Variants in GANAB observed in about 807,000 individuals in gnomAD.
The protein encoded by GANAB is glucosidase II alpha subunit.
In GANAB, 35 loss-of-function variants were observed where a neutral mutation model predicts 129.9. That is an observed-to-expected ratio of 0.27 (90% CI 0.21 to 0.36). The LOEUF is 0.36. GANAB is among the 10% of genes least tolerant of loss of function. The pLI, the probability that GANAB is intolerant of heterozygous loss-of-function variation, is 1.00. For synonymous variants in GANAB, 482 were observed against 451.8 expected, an observed-to-expected ratio of 1.07 and a Z score of -0.85; for missense variants, 939 against 1,221.0, an observed-to-expected ratio of 0.77 and a Z score of 3.44.
At chr11:62,627,529 C>G (rs1330117905) in intron 17 of GANAB, among the ~76,000 whole-genome samples, 176 bp from the exon 18 acceptor site, 1 of 151,984 alleles carries the variant, frequency 6.6e-6, no homozygotes, top group Non-Finnish European at 1.5e-5. Flanking sequence ...GTCAGGAGTT[C>G]GAGATCAGCC....
In GANAB at chr11:62,630,658, G is replaced by A. The variant is rs1182650558; in HGVS notation, c.1329C>T (p.Pro443=). The A allele has an allele frequency of 1.2e-6, 2 of 1,614,200 alleles. No homozygotes were observed. Among genetic ancestry groups the A allele is most frequent in the Admixed American group, 1.7e-5 (1 of 60,032 alleles). ...TGGTGCGGGGCTGAGGGAAGCGACTGGGGTCCCAGGTGAAATACCGCTTGC... is the reference window on the plus strand; with the variant it reads ...TGGTGCGGGGCTGAGGGAAGCGACTAGGGTCCCAGGTGAAATACCGCTTGC... The part of the protein sequence containing the change: ...ADGKRYFTWD[P]SRFPQPRTML... Residue 443 remains proline (P), a synonymous_variant, in exon 11 of 24, where the codon CCC becomes CCT. Transcript: ENST00000356638.
At position 62,629,264 on chromosome 11, in the gene GANAB, C is replaced by G; in HGVS notation, c.1866G>C (p.Glu622Asp). The G allele has an allele frequency of 6.2e-7, 1 of 1,613,554 alleles. No homozygotes were observed. ...GAVWTGDNTAEWDHLKISIPM... is the reference protein window; with the variant it reads ...GAVWTGDNTADWDHLKISIPM... Reference sequence around the variant, plus strand: ...GAATAGAGATCTTCAAATGGTCCCACTCGGCAGTGTTGTCCCCTGTCCACA... The same window carrying G: ...GAATAGAGATCTTCAAATGGTCCCAGTCGGCAGTGTTGTCCCCTGTCCACA... The change falls in exon 16 of 24, where the codon GAG becomes GAC. Residue 622 changes from glutamate to aspartate, a missense_variant. Glu to Asp is a conservative substitution (Grantham distance 45, BLOSUM62 2). Around this residue, in one of 5 missense-constraint regions of GANAB, gnomAD observed 147 missense variants for 282.4 expected, o/e 0.52. Coordinates refer to ENST00000356638, the MANE Select transcript of GANAB (RefSeq NM_198334.3).
intron 4 of GANAB, among the ~76,000 whole-genome samples, chr11:62,638,449 G>A (rs1486971101): frequency 6.6e-6 from 1 of 152,038 alleles, no homozygotes; most frequent in Non-Finnish European, 1.5e-5. Flanking sequence ...CACCATGCCC[G>A]GCCACTATGT....
rs186508147 is a variant in GANAB at position 62,632,025 on chromosome 11, G to A, written c.996+540C>T. Among the ~76,000 whole-genome samples the A allele has an allele frequency of 3.3e-3, 501 of 151,756 alleles. 3 individuals carry two copies. Among genetic ancestry groups the A allele is most frequent in the African/African-American group, 0.011 (466 of 41,324 alleles). ...GTCTCACTCTGTCACCCAGGCTGGAGTGCAGTGGTGAAATCTCCGCTCACT... is the reference window on the plus strand; with the variant it reads ...GTCTCACTCTGTCACCCAGGCTGGAATGCAGTGGTGAAATCTCCGCTCACT... On this transcript the variant is annotated intron_variant, in intron 9 of 23. Transcript: ENST00000356638.
chr11:62,638,180 G>A (rs1168158685), intron 4 of GANAB, among the ~76,000 whole-genome samples: 1 of 152,198 alleles, frequency 6.6e-6, no homozygotes, highest in Non-Finnish European at 1.5e-5. Flanking sequence ...TTGAGACGGA[G>A]TCTCACTCTG....
At chr11:62,628,285 CGG>C (rs1565091654) in intron 17 of GANAB, among the ~76,000 whole-genome samples, 4 of 144,944 alleles carry the variant, frequency 2.8e-5, no homozygotes, top group Non-Finnish European at 6.0e-5. Context: ...AGAGCAATCT[CGG>C]CTCACTGCAA....
rs867038119 is a variant in GANAB at position 62,629,408 on chromosome 11, C to G, written c.1835-113G>C. On this transcript the variant is annotated intron_variant, in intron 15 of 23. Transcript: ENST00000356638. The stretch of plus-strand genomic sequence containing the variant: ...CCAGAACCCTGCTGAAGATGCAGTT[C>G]ACAAGAACATTTGAACAAGGAGTGG... The G allele has an allele frequency of 4.6e-6, 4 of 871,324 alleles. No homozygotes were observed. In the Middle Eastern group the frequency reaches 9.9e-4, roughly 215 times the overall value. 54.0% of individuals were successfully genotyped at this position (871,324 alleles called of 1,614,324 possible).
At chr11:62,633,352 G>T in intron 6 of GANAB, 81 bp from the exon 7 acceptor site, 1 of 1,543,310 alleles carries the variant, frequency 6.5e-7, no homozygotes, top group Admixed American at 1.7e-5. Context: ...TCCCATCCCT[G>T]ATGGGGAGAC....
intron 1 of GANAB, among the ~76,000 whole-genome samples, chr11:62,644,367 G>C (rs1354580721): frequency 6.6e-6 from 1 of 152,008 alleles, no homozygotes; most frequent in Non-Finnish European, 1.5e-5. Context: ...TTTACAACCA[G>C]CCAGGCACAG....
rs1309581369 is a variant in GANAB, at chr11:62,634,865, G to T, written c.516C>A (p.Ala172=). Residue 172 remains alanine (A), a synonymous_variant, in exon 5 of 24, where the codon GCC becomes GCA. Coordinates refer to ENST00000356638, the MANE Select transcript of GANAB (RefSeq NM_198334.3). Reference sequence around the variant, plus strand: ...GATGCTCAAACTCCAAGAGTCCTCGGGCATTGACACTAAGCAAAAGACTTC... The same window carrying T: ...GATGCTCAAACTCCAAGAGTCCTCGTGCATTGACACTAAGCAAAAGACTTC... ...EDRSLLLSVN[A]RGLLEFEHQR... The T allele has an allele frequency of 6.2e-7, 1 of 1,614,060 alleles. No homozygotes were observed. Among genetic ancestry groups the T allele is most frequent in the Non-Finnish European group, 8.5e-7 (1 of 1,179,958 alleles).
Position 62,629,194 on chromosome 11 carries a change from C to T in GANAB, c.1936G>A (p.Ala646Thr). ...LGLVGLSFCGADVGGFFKNPE... is the reference protein window; with the variant it reads ...LGLVGLSFCGTDVGGFFKNPE... Reference sequence around the variant, plus strand: ...GACCCCAAATTCCTCCCTGTCTTACCCCCACAGAAGGAAAGTCCCACCAGC... The same window carrying T: ...GACCCCAAATTCCTCCCTGTCTTACTCCCACAGAAGGAAAGTCCCACCAGC... Residue 646 changes from alanine to threonine, a missense_variant and splice_region_variant, in exon 16 of 24, where the codon GCG becomes ACG. Ala to Thr is a moderately conservative substitution (Grantham distance 58). Around this residue, in one of 5 missense-constraint regions of GANAB, gnomAD observed 147 missense variants for 282.4 expected, o/e 0.52. Coordinates refer to ENST00000356638, the MANE Select transcript of GANAB (RefSeq NM_198334.3). The T allele has an allele frequency of 1.2e-6, 2 of 1,605,764 alleles. No individual in the cohort carries two copies. The highest frequency in any genetic ancestry group is 1.7e-6 in the Non-Finnish European group (2 of 1,172,498).
rs761603951 is a variant in GANAB, at chr11:62,626,887, G to A, written c.2370C>T (p.Thr790=). 18 of 1,612,394 alleles carry A rather than the reference G, an allele frequency of 1.1e-5. No homozygotes were observed. The highest frequency in any genetic ancestry group is 1.3e-5 in the Non-Finnish European group (15 of 1,178,630). The part of the protein sequence containing the change: ...QSYQKHHGPQ[T]LYLPVTLSSI... ...TGCTTAGAGTTACAGGCAGGTACAGGGTCTGGGGACCATGATGCTTCTGGT... is the reference window on the plus strand; with the variant it reads ...TGCTTAGAGTTACAGGCAGGTACAGAGTCTGGGGACCATGATGCTTCTGGT... Residue 790 remains threonine (T), a synonymous_variant, in exon 20 of 24, where the codon ACC becomes ACT. Coordinates refer to ENST00000356638, the MANE Select transcript of GANAB (RefSeq NM_198334.3).
In GANAB at chr11:62,629,610, G is replaced by A. The variant is rs779486964; in HGVS notation, c.1812C>T (p.Phe604=). ...MERPFVLARA[F]FAGSQRFGAV... ...TACCAAAGCGCTGGGAGCCAGCGAA[G>A]AAGGCCCTGGCCAGGACAAAGGGGC... is the stretch of plus-strand genomic sequence containing the variant. Residue 604 remains phenylalanine (F), a synonymous_variant, in exon 15 of 24, where the codon TTC becomes TTT. Coordinates refer to ENST00000356638, the MANE Select transcript of GANAB (RefSeq NM_198334.3). 1 of 1,610,170 alleles carries A rather than the reference G, an allele frequency of 6.2e-7. No homozygotes were observed. Among genetic ancestry groups the A allele is most frequent in the Admixed American group, 1.7e-5 (1 of 59,334 alleles).
intron 9 of GANAB, among the ~76,000 whole-genome samples, chr11:62,631,977 C>T (rs1565097653): frequency 1.4e-5 from 2 of 143,020 alleles, no homozygotes; most frequent in Non-Finnish European, 3.1e-5. Context: ...CAGAACCTTT[C>T]TTTTTTTTTT....
intron 1 of GANAB, among the ~76,000 whole-genome samples, chr11:62,644,527 C>G (rs1326497828): frequency 3.3e-5 from 5 of 151,126 alleles, no homozygotes; most frequent in African/African-American, 1.2e-4. Context: ...AGGCTGAAGC[C>G]GGAGGACTGC....
intron 6 of GANAB, 68 bp downstream of exon 6, chr11:62,633,377 T>G: frequency 3.2e-6 from 5 of 1,566,468 alleles, no homozygotes; most frequent in Non-Finnish European, 4.4e-6. Context: ...TTCAAGTTTC[T>G]CATGGGCCTC....
rs753303686 is a variant in GANAB, at chr11:62,631,104, G to C, written c.1076C>G (p.Thr359Ser). The change falls in exon 10 of 24, where the codon ACT (threonine) becomes AGT (serine). Residue 359 changes from threonine to serine, a missense_variant. Transcript: ENST00000356638. ...PQTDVRWMSE[T>S]GIIDVFLLLG... ...CAGCAGGAAGACGTCAATGATGCCAGTCTCTGACATCCAGCGAACATCTGT... is the reference window on the plus strand; with the variant it reads ...CAGCAGGAAGACGTCAATGATGCCACTCTCTGACATCCAGCGAACATCTGT... 1 of 1,612,334 alleles carries C rather than the reference G, an allele frequency of 6.2e-7. No homozygotes were observed. Among genetic ancestry groups the C allele is most frequent in the Non-Finnish European group, 8.5e-7 (1 of 1,178,436 alleles).
intron 10 of GANAB, 67 bp from the exon 11 acceptor site, chr11:62,630,903 C>T (rs912723008): frequency 6.7e-7 from 1 of 1,501,864 alleles, no homozygotes; most frequent in Non-Finnish European, 9.2e-7. Context: ...CTGAGGGAGG[C>T]TTGTGAACTA....
rs1161518825 is a variant in GANAB at position 62,627,338 on chromosome 11, C to A, written c.2196G>T (p.Gln732His). Residue 732 changes from glutamine (Q) to histidine (H), a missense_variant, in exon 18 of 24, where the codon CAG (glutamine) becomes CAT (histidine). Transcript: ENST00000356638. Reference sequence around the variant, plus strand: ...TGAAGGTAGTCACATCCTGAGGGTACTGCACCCACAGGGGCCTAGGAAGGA... The same window carrying A: ...TGAAGGTAGTCACATCCTGAGGGTAATGCACCCACAGGGGCCTAGGAAGGA... ...GIPVMRPLWV[Q>H]YPQDVTTFNI... 6.4e-7 allele frequency: 1 copy of A among 1,566,020 alleles called. No homozygotes were observed. Among genetic ancestry groups the A allele is most frequent in the South Asian group, 1.1e-5 (1 of 90,142 alleles).
Sources: allele counts gnomAD v4.1 joint callset (sites outside exome capture counted in the v4.1 genomes callset), GRCh38; gene constraint gnomAD v4.1.1; regional missense constraint gnomAD v4.1.1; transcripts MANE v1.5; gene names NCBI Gene and HGNC (gene_info 2026-07-23, HGNC 2026-07-21).